The following ADCY8 variants were observed in gnomAD, a reference collection of about 807,000 sequenced individuals.
ADCY8 encodes adenylate cyclase type 8.
In ADCY8, 51 loss-of-function variants were observed where a neutral mutation model predicts 119.7. That is an observed-to-expected ratio of 0.43 (90% confidence interval 0.34 to 0.54). ADCY8 has a LOEUF of 0.54. Among genes scored for constraint, ADCY8 ranks in the 20% least tolerant of loss-of-function variants. The pLI is 0.03. For missense variants in ADCY8, 1,383 were observed against 1,598.8 expected (o/e 0.87, Z 2.30); for synonymous variants, 665 against 651.0 (o/e 1.02, Z -0.33).
chr8:130,961,643 G>A (rs1450596739), intron 2 of ADCY8, among the ~76,000 whole-genome samples: 1 of 152,020 alleles, frequency 6.6e-6, no homozygotes, highest in Non-Finnish European at 1.5e-5. Context: ...CATCACACAT[G>A]TTTAGTTGTC....
At chr8:130,794,284 G>A (rs961440560) in intron 15 of ADCY8, among the ~76,000 whole-genome samples, 7 of 152,160 alleles carry the variant, frequency 4.6e-5, no homozygotes, top group African/African-American at 1.7e-4. Context: ...TTGCACTGTT[G>A]CCTGGGCTGG....
intron 1 of ADCY8, among the ~76,000 whole-genome samples, chr8:131,023,953 C>T (rs1823750375): frequency 6.6e-6 from 1 of 152,182 alleles, no homozygotes; most frequent in Admixed American, 6.5e-5. Flanking sequence ...GACATACCAG[C>T]ATTTAGAGCA....
chr8:130,953,139 A>G (rs1297927853), intron 2 of ADCY8, among the ~76,000 whole-genome samples: 2 of 152,196 alleles, frequency 1.3e-5, no homozygotes, highest in African/African-American at 4.8e-5. Context: ...GTTTACTGTG[A>G]TAGATGAAGT....
chr8:131,038,089 T>C (rs1016937255), intron 1 of ADCY8, among the ~76,000 whole-genome samples: 8 of 152,228 alleles, frequency 5.3e-5, no homozygotes, highest in South Asian at 2.1e-4. Context: ...CAAAGGAATA[T>C]AGAACCATTG....
At chr8:131,035,706 C>T (rs1397670297) in intron 1 of ADCY8, among the ~76,000 whole-genome samples, 1 of 152,142 alleles carries the variant, frequency 6.6e-6, no homozygotes, top group African/African-American at 2.4e-5. Context: ...TCATTTGTTC[C>T]TTTCAAAAAT....
chr8:130,893,768 G>A (rs1819282196), intron 7 of ADCY8, among the ~76,000 whole-genome samples: 1 of 150,796 alleles, frequency 6.6e-6, no homozygotes, highest in Non-Finnish European at 1.5e-5. Flanking sequence ...GCATGTTTAT[G>A]TGTGTGTGTT....
At position 130,780,538 on chromosome 8, in the gene ADCY8, AG is replaced by A; in HGVS notation, c.3607del (p.Leu1203SerfsTer67). ...AAVVLGLVQS[L>X]NRQRQKQLLN... ...TAGCTGCTTCTGCCTTTGCCTATTG[AG>A]GGACTGGACAAGTCCCAGGACAACC... On this transcript the variant is annotated frameshift_variant, in exon 18 of 18. Coordinates refer to ENST00000286355, the MANE Select transcript of ADCY8 (RefSeq NM_001115.3). LOFTEE classifies it high-confidence loss of function. 1 of 1,614,036 alleles carries A rather than the reference AG, an allele frequency of 6.2e-7. No homozygotes were observed. Among genetic ancestry groups the A allele is most frequent in the Non-Finnish European group, 8.5e-7 (1 of 1,179,984 alleles).
intron 3 of ADCY8, among the ~76,000 whole-genome samples, chr8:130,949,887 C>T (rs924974363): frequency 6.6e-6 from 1 of 152,118 alleles, no homozygotes; most frequent in South Asian, 2.1e-4. Flanking sequence ...GCATCTCTTC[C>T]TGGAATTGCT....
chr8:131,007,479 C>A (rs1288197871), intron 1 of ADCY8, among the ~76,000 whole-genome samples: 3 of 152,126 alleles, frequency 2.0e-5, no homozygotes, highest in African/African-American at 7.2e-5. Context: ...GCCAAACAAC[C>A]TACACTGCAC....
intron 17 of ADCY8, 22 bp from the exon 18 acceptor site, chr8:130,780,899 C>G (rs372882400): frequency 6.2e-7 from 1 of 1,609,052 alleles, no homozygotes; most frequent in Non-Finnish European, 8.5e-7. Flanking sequence ...AGCAAAGGAG[C>G]AAGAAGTCAG....
intron 9 of ADCY8, among the ~76,000 whole-genome samples, chr8:130,850,064 AT>A (rs1817469332): frequency 6.6e-6 from 1 of 151,946 alleles, no homozygotes; most frequent in East Asian, 1.9e-4. Context: ...CCTCTTATTA[AT>A]TTTTGTCACT....
In ADCY8 at chr8:131,040,115, G is replaced by A. The variant is rs770399675; in HGVS notation, c.219C>T (p.Gly73=). 7 of 1,526,404 alleles carry A rather than the reference G, an allele frequency of 4.6e-6. No individual in the cohort carries two copies. The highest frequency in any genetic ancestry group is 5.2e-6 in the Non-Finnish European group (6 of 1,143,370). The allele number at this position is 1,526,404 out of a possible 1,614,324, so 94.6% of individuals were successfully genotyped here. ...GGSGKASDPA[G]GGPNHHAPQL... ...GCGGCGCGTGGTGGTTGGGGCCGCCGCCCGCAGGGTCCGAGGCTTTGCCCG... is the reference window on the plus strand; with the variant it reads ...GCGGCGCGTGGTGGTTGGGGCCGCCACCCGCAGGGTCCGAGGCTTTGCCCG... Residue 73 remains glycine, a synonymous_variant, in exon 1 of 18, where the codon GGC becomes GGT. Coordinates refer to ENST00000286355, the MANE Select transcript of ADCY8 (RefSeq NM_001115.3).
intron 2 of ADCY8, among the ~76,000 whole-genome samples, chr8:130,985,117 A>T (rs182796159): frequency 2.8e-3 from 431 of 152,256 alleles, no homozygotes; most frequent in Non-Finnish European, 4.5e-3. Flanking sequence ...TAGTAAAATT[A>T]AGAGAGGAGA....
At chr8:130,864,801 T>C (rs1056898951) in intron 9 of ADCY8, among the ~76,000 whole-genome samples, 4 of 152,184 alleles carry the variant, frequency 2.6e-5, no homozygotes, top group Admixed American at 1.3e-4. Flanking sequence ...TTTAATATAT[T>C]AATAAGTTAT....
At chr8:130,921,870 A>G (rs971041106) in intron 5 of ADCY8, among the ~76,000 whole-genome samples, 2 of 152,172 alleles carry the variant, frequency 1.3e-5, no homozygotes, top group Non-Finnish European at 2.9e-5. Context: ...TATTTCATGT[A>G]TTAGAAAGTC....
At chr8:131,033,544 G>C (rs1824057375) in intron 1 of ADCY8, among the ~76,000 whole-genome samples, 1 of 152,024 alleles carries the variant, frequency 6.6e-6, no homozygotes, top group Non-Finnish European at 1.5e-5. Flanking sequence ...ATAACAGTCA[G>C]GTGATATTAC....
intron 8 of ADCY8, among the ~76,000 whole-genome samples, chr8:130,876,213 G>C (rs1180544680): frequency 6.6e-6 from 1 of 152,060 alleles, no homozygotes; most frequent in African/African-American, 2.4e-5. Flanking sequence ...ACCACACCTG[G>C]CTAATATTTG....
chr8:130,902,220 T>G (rs1819625339), intron 7 of ADCY8, among the ~76,000 whole-genome samples: 1 of 152,168 alleles, frequency 6.6e-6, no homozygotes, highest in Admixed American at 6.5e-5. Flanking sequence ...TCTTTCTCTT[T>G]AAATAATCAG....
intron 5 of ADCY8, among the ~76,000 whole-genome samples, chr8:130,932,667 T>C (rs1026008193): frequency 1.3e-5 from 2 of 152,228 alleles, no homozygotes; most frequent in African/African-American, 4.8e-5. Flanking sequence ...CTTTTGAAGC[T>C]ATTTTCACAT....
Sources: allele counts gnomAD v4.1 joint callset (sites outside exome capture counted in the v4.1 genomes callset), GRCh38; gene constraint gnomAD v4.1.1; transcripts MANE v1.5; gene names NCBI Gene and HGNC (gene_info 2026-07-23, HGNC 2026-07-21).